OSBPL10: variants seen among roughly 807,000 people sequenced by gnomAD.
OSBPL10 encodes the protein oxysterol binding protein like 10.
OSBPL10 carries 49 observed loss-of-function variants against 81.7 expected under a neutral mutation model. The observed-to-expected ratio is 0.60, with a 90% confidence interval of 0.48 to 0.76. OSBPL10 has a LOEUF of 0.76. Among genes scored for constraint, OSBPL10 ranks in the 30% least tolerant of loss-of-function variants. The pLI is 0.00. For missense variants in OSBPL10, 923 were observed against 987.8 expected (o/e 0.93, Z 0.88); for synonymous variants, 419 against 383.6 (o/e 1.09, Z -1.08).
intron 4 of OSBPL10, among the ~76,000 whole-genome samples, chr3:31,812,665 T>G (rs1389345163): frequency 6.7e-6 from 1 of 148,622 alleles, no homozygotes; most frequent in African/African-American, 2.5e-5. Context: ...AATGTTAAGT[T>G]GATAGATGTT....
At chr3:31,784,426 A>G (rs1167133225) in intron 4 of OSBPL10, among the ~76,000 whole-genome samples, 1 of 151,996 alleles carries the variant, frequency 6.6e-6, no homozygotes, top group Non-Finnish European at 1.5e-5. Flanking sequence ...GGAAGGAAAG[A>G]AAGAAAAAAA....
chr3:31,706,385 A>C (rs1696063532), intron 6 of OSBPL10, among the ~76,000 whole-genome samples: 1 of 152,150 alleles, frequency 6.6e-6, no homozygotes, highest in Non-Finnish European at 1.5e-5. Context: ...GGATTCTTAG[A>C]AGGGTCTCTG....
intron 11 of OSBPL10, chr3:31,663,151 T>A (rs897927305): frequency 1.0e-6 from 1 of 985,462 alleles, no homozygotes; most frequent in Non-Finnish European, 1.2e-6. Context: ...GTAGCAGAAG[T>A]CAGGGGTTAC....
At chr3:32,001,930 T>C (rs535611381) in intron 2 of OSBPL10, among the ~76,000 whole-genome samples, 1 of 152,294 alleles carries the variant, frequency 6.6e-6, no homozygotes, top group East Asian at 1.9e-4. Flanking sequence ...AGAGAGATTA[T>C]TATGCTTAAT....
At chr3:31,746,717 G>T (rs886660402) in intron 5 of OSBPL10, among the ~76,000 whole-genome samples, 1 of 148,490 alleles carries the variant, frequency 6.7e-6, no homozygotes, top group Non-Finnish European at 1.5e-5. Context: ...GCAAACTATC[G>T]CAAGGATAAA....
intron 2 of OSBPL10, among the ~76,000 whole-genome samples, chr3:31,876,951 T>C (rs940803915): frequency 6.0e-5 from 9 of 148,804 alleles, no homozygotes; most frequent in African/African-American, 2.2e-4. Flanking sequence ...TCGCCCAGGC[T>C]GATGTGCAGT....
intron 1 of OSBPL10, among the ~76,000 whole-genome samples, chr3:31,916,395 G>GT (rs1170721190): frequency 2.0e-5 from 3 of 151,942 alleles, no homozygotes. Context: ...CAAGTGTAGA[G>GT]TGAGTGGCCA....
At chr3:31,669,281 T>C (rs752492877) in intron 9 of OSBPL10, among the ~76,000 whole-genome samples, 3 of 151,916 alleles carry the variant, frequency 2.0e-5, no homozygotes, top group Non-Finnish European at 2.9e-5. Context: ...CAATAACTTA[T>C]GCAAAAAATT....
At chr3:31,834,050 A>AC (rs1700315046) in intron 3 of OSBPL10, among the ~76,000 whole-genome samples, 1 of 152,152 alleles carries the variant, frequency 6.6e-6, no homozygotes, top group African/African-American at 2.4e-5. Context: ...AAAAAGTCTT[A>AC]CCCTTCATAA....
chr3:31,670,932 C>G lies in OSBPL10; in HGVS notation c.1778G>C (p.Ser593Thr). The change falls in exon 9 of 12, where the codon AGT becomes ACT. Residue 593 changes from serine (S) to threonine (T), a missense_variant. Ser to Thr is a moderately conservative substitution (Grantham distance 58). This residue lies in a region of OSBPL10 where 387 missense variants were observed against 436.3 expected (regional missense o/e 0.89). Coordinates refer to ENST00000396556, the MANE Select transcript of OSBPL10 (RefSeq NM_017784.5). ...HGEEYVFTLP[S>T]AYARSILTIP... The stretch of plus-strand genomic sequence containing the variant: ...GGTGAGAATGGACCGGGCGTAGGCA[C>G]TAGGCAGGGTGAATACGTACTCCTC... 6.2e-7 allele frequency: 1 copy of G among 1,614,112 alleles called. No individual in the cohort carries two copies. The highest frequency in any genetic ancestry group is 8.5e-7 in the Non-Finnish European group (1 of 1,179,992).
At chr3:32,025,379 C>T (rs1699394065) in intron 2 of OSBPL10, among the ~76,000 whole-genome samples, 1 of 152,072 alleles carries the variant, frequency 6.6e-6, no homozygotes, top group Admixed American at 6.6e-5. Flanking sequence ...GGTATATGAT[C>T]CTTTTTTTAT....
intron 6 of OSBPL10, among the ~76,000 whole-genome samples, chr3:31,723,985 G>C (rs1388198665): frequency 5.3e-5 from 8 of 152,158 alleles, no homozygotes; most frequent in Non-Finnish European, 1.0e-4. Context: ...GGAAGCAAGG[G>C]AGCTGTGAAA....
chr3:32,028,889 T>G (rs1699439773), intron 2 of OSBPL10, among the ~76,000 whole-genome samples: 1 of 149,584 alleles, frequency 6.7e-6, no homozygotes, highest in Non-Finnish European at 1.5e-5. Flanking sequence ...ATTTCAAACA[T>G]CTACTTACAG....
intron 3 of OSBPL10, among the ~76,000 whole-genome samples, chr3:31,861,061 C>T (rs922499264): frequency 5.9e-5 from 9 of 152,122 alleles, no homozygotes; most frequent in Non-Finnish European, 1.3e-4. Context: ...TTGCTCTAAC[C>T]TACACTATGG....
At chr3:31,757,688 T>A (rs1697928830) in intron 4 of OSBPL10, among the ~76,000 whole-genome samples, 1 of 152,214 alleles carries the variant, frequency 6.6e-6, no homozygotes, top group Admixed American at 6.5e-5. Context: ...ACAAAGTAGG[T>A]CTTGGCTTTA....
At chr3:31,698,696 C>T (rs1695802926) in intron 7 of OSBPL10, among the ~76,000 whole-genome samples, 1 of 152,052 alleles carries the variant, frequency 6.6e-6, no homozygotes, top group African/African-American at 2.4e-5. Flanking sequence ...CTTTTTCACC[C>T]CCATCCCCTC....
intron 4 of OSBPL10, among the ~76,000 whole-genome samples, chr3:31,767,311 T>C (rs1053879710): frequency 6.6e-6 from 1 of 152,214 alleles, no homozygotes; most frequent in Non-Finnish European, 1.5e-5. Flanking sequence ...AAAACTCAAC[T>C]GTGGTCCCTG....
rs150642207 is a variant in OSBPL10, at chr3:31,951,878, C to T, written c.281+29021G>A. Among the ~76,000 whole-genome samples, 6 of 152,146 alleles carry T rather than the reference C, an allele frequency of 3.9e-5. No individual in the cohort carries two copies. In the East Asian group the frequency reaches 1.2e-3, roughly 29 times the overall value. ...AACTTTAAAACCCATGCTTTAACAC[C>T]GTGCTATACTCTTAAGATTTCCACC... On this transcript the variant is annotated intron_variant, in intron 1 of 11. Transcript: ENST00000396556.
chr3:31,732,363 C>A (rs756107112), intron 6 of OSBPL10, among the ~76,000 whole-genome samples: 14 of 152,144 alleles, frequency 9.2e-5, no homozygotes, highest in Non-Finnish European at 1.3e-4. Context: ...CCATTGATAA[C>A]CAAAACCATT....
Sources: allele counts gnomAD v4.1 joint callset (sites outside exome capture counted in the v4.1 genomes callset), GRCh38; gene constraint gnomAD v4.1.1; regional missense constraint gnomAD v4.1.1; transcripts MANE v1.5; gene names NCBI Gene and HGNC (gene_info 2026-07-23, HGNC 2026-07-21).